The following ZFHX3 variants were observed in gnomAD, a reference collection of about 807,000 sequenced individuals.
ZFHX3 encodes the protein zinc finger homeobox protein 3.
ZFHX3 carries 42 observed loss-of-function variants against 279.1 expected under a neutral mutation model. The ratio of observed to expected loss-of-function variants is 0.15; its 90% CI spans 0.12 to 0.19. The LOEUF (loss-of-function observed/expected upper bound fraction) is 0.19. Ranked by LOEUF, ZFHX3 falls within the 10% of genes least tolerant of loss-of-function variation. The pLI, the probability that ZFHX3 is intolerant of heterozygous loss-of-function variation, is 1.00. For synonymous variants in ZFHX3, 2,293 were observed against 1,957.8 expected, an observed-to-expected ratio of 1.17 and a Z score of -4.52; for missense variants, 4,981 against 4,754.0, an observed-to-expected ratio of 1.05 and a Z score of -1.40.
At chr16:73,804,948 A>AAGGGAGGGAGAG (rs1960238581) in intron 1 of ZFHX3, among the ~76,000 whole-genome samples, 1 of 114,720 alleles carries the variant, frequency 8.7e-6, no homozygotes, top group Non-Finnish European at 1.8e-5. Flanking sequence ...GAGGGAGAGG[A>AAGGGAGGGAGAG]AGGGAGGGAG....
chr16:73,263,232 G>A (rs949722667), intron 4 of ZFHX3, among the ~76,000 whole-genome samples: 6 of 149,848 alleles, frequency 4.0e-5, no homozygotes, highest in African/African-American at 1.2e-4. Context: ...GTCTTACTCT[G>A]TCACCCAGAT....
At chr16:73,691,519 C>T (rs915659705) in intron 1 of ZFHX3, among the ~76,000 whole-genome samples, 1 of 152,180 alleles carries the variant, frequency 6.6e-6, no homozygotes, top group African/African-American at 2.4e-5. Context: ...AGCTGGAGAA[C>T]TTCCGTATTC....
At chr16:73,237,220 C>T (rs1001387917) in intron 5 of ZFHX3, among the ~76,000 whole-genome samples, 1 of 152,150 alleles carries the variant, frequency 6.6e-6, no homozygotes, top group Non-Finnish European at 1.5e-5. Flanking sequence ...AAAACATCCT[C>T]TTTAGAACCC....
At position 72,786,364 on chromosome 16, in the gene ZFHX3, TA is replaced by T. The variant is rs2035368324; in HGVS notation, c.*799del. ...ATACAGAAAGTCAGTTTTTAAAACT[TA>T]TTTTTTTTAAGCTACAAGTCCTCAA... On this transcript the variant is annotated 3_prime_UTR_variant, in exon 10 of 10. Transcript: ENST00000268489. The T allele has an allele frequency of 1.3e-5, 2 of 152,348 alleles. No individual in the cohort carries two copies. Among genetic ancestry groups the T allele is most frequent in the Admixed American group, 6.6e-5 (1 of 15,264 alleles). The allele number at this position is 152,348 out of a possible 1,614,324, so 9.4% of individuals were successfully genotyped here.
intron 2 of ZFHX3, among the ~76,000 whole-genome samples, chr16:73,632,609 C>G (rs926747181): frequency 6.6e-6 from 1 of 151,264 alleles, no homozygotes; most frequent in East Asian, 1.9e-4. Flanking sequence ...TTGCTTGAAC[C>G]TGGGAGGTGA....
intron 3 of ZFHX3, among the ~76,000 whole-genome samples, chr16:73,384,791 T>A (rs2016870606): frequency 6.6e-6 from 1 of 152,142 alleles, no homozygotes; most frequent in African/African-American, 2.4e-5. Context: ...CCAGCATCCA[T>A]TCATTCCTCA....
intron 8 of ZFHX3, among the ~76,000 whole-genome samples, chr16:73,085,001 C>T (rs1230901801): frequency 1.3e-5 from 2 of 151,976 alleles, no homozygotes; most frequent in Non-Finnish European, 2.9e-5. Context: ...CTCAATGCAA[C>T]CCTTATCAAA....
chr16:73,201,040 G>C (rs1051239039), intron 5 of ZFHX3, among the ~76,000 whole-genome samples: 1 of 152,140 alleles, frequency 6.6e-6, no homozygotes, highest in African/African-American at 2.4e-5. Flanking sequence ...CCTGCTCTCA[G>C]TTCATTTGGT....
intron 1 of ZFHX3, among the ~76,000 whole-genome samples, chr16:72,982,282 A>C (rs1232223877): frequency 6.6e-6 from 1 of 152,206 alleles, no homozygotes; most frequent in Non-Finnish European, 1.5e-5. Context: ...AAAATAATTC[A>C]TTCAAACATC....
chr16:73,432,609 C>A (rs1473262293), intron 3 of ZFHX3, among the ~76,000 whole-genome samples: 1 of 152,136 alleles, frequency 6.6e-6, no homozygotes, highest in East Asian at 1.9e-4. Context: ...TTGTTTGTCA[C>A]CTCATGCCTC....
intron 3 of ZFHX3, among the ~76,000 whole-genome samples, chr16:73,411,996 T>G (rs1469350262): frequency 6.6e-6 from 1 of 152,234 alleles, no homozygotes; most frequent in Admixed American, 6.5e-5. Context: ...TAAAGACCTC[T>G]AAGACAGATA....
intron 4 of ZFHX3, among the ~76,000 whole-genome samples, chr16:73,283,787 T>G (rs2014518761): frequency 6.6e-6 from 1 of 151,206 alleles, no homozygotes; most frequent in African/African-American, 2.4e-5. Flanking sequence ...CTACTAAAAG[T>G]GAAAGAAGAA....
chr16:72,840,426 C>G (rs1294869287), intron 4 of ZFHX3, among the ~76,000 whole-genome samples: 1 of 152,064 alleles, frequency 6.6e-6, no homozygotes, highest in Non-Finnish European at 1.5e-5. Context: ...CATGCAGGCC[C>G]AAGGCATTTG....
chr16:73,537,209 G>C (rs1192430107), intron 2 of ZFHX3, among the ~76,000 whole-genome samples: 1 of 151,484 alleles, frequency 6.6e-6, no homozygotes, highest in Admixed American at 6.6e-5. Flanking sequence ...ATGGCTCAGA[G>C]TTCAGCATCA....
intron 2 of ZFHX3, among the ~76,000 whole-genome samples, chr16:73,587,465 T>C (rs1350856448): frequency 2.0e-5 from 3 of 152,222 alleles, no homozygotes; most frequent in Non-Finnish European, 4.4e-5. Flanking sequence ...ATGCTTTTAG[T>C]TGACTGCATT....
At chr16:73,445,198 G>A (rs756316009) in intron 3 of ZFHX3, among the ~76,000 whole-genome samples, 1 of 151,544 alleles carries the variant, frequency 6.6e-6, no homozygotes, top group Non-Finnish European at 1.5e-5. Flanking sequence ...TTCTGTATAT[G>A]TATATACATA....
chr16:73,789,182 T>A (rs567202129), intron 1 of ZFHX3, among the ~76,000 whole-genome samples: 45 of 152,060 alleles, frequency 3.0e-4, no homozygotes, highest in Non-Finnish European at 5.0e-4. Flanking sequence ...TGGATTTTTT[T>A]ATTATTTATT....
At chr16:73,426,056 G>T (rs1240358423) in intron 3 of ZFHX3, among the ~76,000 whole-genome samples, 1 of 152,006 alleles carries the variant, frequency 6.6e-6, no homozygotes, top group Non-Finnish European at 1.5e-5. Context: ...TCACCCTTGG[G>T]CCCTGGCTGG....
At chr16:73,745,069 A>G (rs962450010) in intron 1 of ZFHX3, among the ~76,000 whole-genome samples, 2 of 152,176 alleles carry the variant, frequency 1.3e-5, no homozygotes, top group Non-Finnish European at 2.9e-5. Flanking sequence ...TGAGTGATAC[A>G]GTTGCTGCAG....
Sources: gnomAD v4.1 joint callset for allele counts (sites outside exome capture counted in the v4.1 genomes callset) on GRCh38, gnomAD v4.1.1 for gene constraint, MANE v1.5 for transcripts, NCBI Gene and HGNC (gene_info 2026-07-23, HGNC 2026-07-21) for gene names.